Variants in DCC observed in about 807,000 individuals in gnomAD.
DCC encodes the protein DCC netrin 1 receptor.
A neutral mutation model predicts 172.5 loss-of-function variants in DCC; 58 were observed. The observed-to-expected ratio is 0.34, with a 90% CI of 0.27 to 0.42. The LOEUF (loss-of-function observed/expected upper bound fraction) is 0.42. Ranked by LOEUF, DCC falls within the 10% of genes least tolerant of loss-of-function variation. The pLI is 1.00. For synonymous variants in DCC, 709 were observed against 644.5 expected (o/e 1.10, Z -1.52); for missense variants, 1,740 against 1,791.0 (o/e 0.97, Z 0.51).
At chr18:52,671,082 A>G (rs1175142467) in intron 1 of DCC, among the ~76,000 whole-genome samples, 1 of 152,182 alleles carries the variant, frequency 6.6e-6, no homozygotes, top group Non-Finnish European at 1.5e-5. Flanking sequence ...GCTTATATTT[A>G]TCATTAACTT....
intron 25 of DCC, among the ~76,000 whole-genome samples, chr18:53,484,899 A>C: frequency 6.6e-6 from 1 of 152,108 alleles, no homozygotes; most frequent in Non-Finnish European, 1.5e-5. Context: ...CAACAATCCC[A>C]TTTATATGTG....
intron 1 of DCC, among the ~76,000 whole-genome samples, chr18:52,749,541 T>A (rs1333776432): frequency 6.6e-6 from 1 of 152,246 alleles, no homozygotes; most frequent in Non-Finnish European, 1.5e-5. Flanking sequence ...GAGGTGCCTA[T>A]ATCCCAAAGC....
At chr18:53,384,576 C>T (rs555269973) in intron 15 of DCC, among the ~76,000 whole-genome samples, 82 of 151,824 alleles carry the variant, frequency 5.4e-4, no homozygotes, top group African/African-American at 1.5e-3. Context: ...ATCTAGTTAC[C>T]GTTCATGTCT....
intron 15 of DCC, among the ~76,000 whole-genome samples, chr18:53,366,410 T>C (rs1340305855): frequency 6.6e-6 from 1 of 152,130 alleles, no homozygotes; most frequent in Non-Finnish European, 1.5e-5. Flanking sequence ...CATTTTTTCA[T>C]TCAGTGAATA....
At chr18:53,340,044 A>G (rs1454090955) in intron 15 of DCC, 137 bp downstream of exon 15, 10 of 654,312 alleles carry the variant, frequency 1.5e-5, no homozygotes, top group South Asian at 7.1e-5. Context: ...GCAACTGTCT[A>G]TCTACACACA....
chr18:53,324,402 A>G (rs188134303), intron 14 of DCC, among the ~76,000 whole-genome samples: 2 of 152,332 alleles, frequency 1.3e-5, no homozygotes, highest in African/African-American at 2.4e-5. Flanking sequence ...AATAAAGTCT[A>G]TACACCCAAG....
At chr18:53,463,106 T>C (rs568749757) in intron 24 of DCC, among the ~76,000 whole-genome samples, 1 of 152,346 alleles carries the variant, frequency 6.6e-6, no homozygotes, top group East Asian at 1.9e-4. Flanking sequence ...TCTAGCTTTG[T>C]TCTTGACTGG....
intron 7 of DCC, among the ~76,000 whole-genome samples, 179 bp from the exon 8 acceptor site, chr18:53,157,176 AG>A (rs1254896394): frequency 2.0e-5 from 3 of 152,334 alleles, no homozygotes; most frequent in African/African-American, 7.2e-5. Context: ...TTAAAACCCA[AG>A]AAATACAAAT....
intron 1 of DCC, among the ~76,000 whole-genome samples, chr18:52,400,971 A>T (rs905625101): frequency 6.6e-6 from 1 of 152,088 alleles, no homozygotes. Context: ...GAGGGATAGC[A>T]TTAGGAGAAA....
intron 2 of DCC, among the ~76,000 whole-genome samples, chr18:52,806,109 G>C (rs867492452): frequency 1.3e-4 from 20 of 152,284 alleles, no homozygotes; most frequent in African/African-American, 4.8e-4. Context: ...ATACCGGCTT[G>C]AATAAATCAG....
intron 2 of DCC, among the ~76,000 whole-genome samples, chr18:52,894,396 T>TACACAC (rs34974743): frequency 2.7e-5 from 4 of 148,812 alleles, no homozygotes; most frequent in African/African-American, 9.9e-5. Context: ...ACAGGACACA[T>TACACAC]ACACACACAC....
At chr18:52,490,891 A>T (rs1253941454) in intron 1 of DCC, among the ~76,000 whole-genome samples, 3 of 152,130 alleles carry the variant, frequency 2.0e-5, no homozygotes, top group African/African-American at 7.2e-5. Context: ...TAAAATAAGG[A>T]GTTGTGCTTT....
At chr18:52,369,593 T>C (rs1985028014) in intron 1 of DCC, among the ~76,000 whole-genome samples, 1 of 152,000 alleles carries the variant, frequency 6.6e-6, no homozygotes, top group South Asian at 2.1e-4. Flanking sequence ...GGCTTGGCCT[T>C]GAGACCTTTC....
intron 2 of DCC, among the ~76,000 whole-genome samples, chr18:52,759,344 T>A (rs1484745449): frequency 6.6e-6 from 1 of 152,182 alleles, no homozygotes; most frequent in Non-Finnish European, 1.5e-5. Context: ...TTCTACATTA[T>A]AAAATTTACA....
intron 13 of DCC, among the ~76,000 whole-genome samples, chr18:53,321,226 G>C (rs1002044060): frequency 5.9e-5 from 9 of 152,060 alleles, no homozygotes; most frequent in African/African-American, 2.2e-4. Flanking sequence ...ATCTTTATCA[G>C]CGTTGTTTAA....
intron 2 of DCC, among the ~76,000 whole-genome samples, chr18:52,827,641 G>GA (rs1414809956): frequency 6.6e-6 from 1 of 152,224 alleles, no homozygotes; most frequent in African/African-American, 2.4e-5. Flanking sequence ...GGGGGCCATA[G>GA]AAAATCTAAT....
intron 1 of DCC, among the ~76,000 whole-genome samples, chr18:52,645,370 A>T (rs1040707052): frequency 6.6e-6 from 1 of 152,140 alleles, no homozygotes; most frequent in Non-Finnish European, 1.5e-5. Flanking sequence ...CCACCTAACT[A>T]GCTGTTCTGC....
At chr18:52,500,739 T>C (rs1225326367) in intron 1 of DCC, among the ~76,000 whole-genome samples, 2 of 152,178 alleles carry the variant, frequency 1.3e-5, no homozygotes, top group Non-Finnish European at 2.9e-5. Context: ...GTCTCTCTCA[T>C]GAGTGTGAAA....
intron 5 of DCC, among the ~76,000 whole-genome samples, chr18:53,040,122 T>C (rs1193673837): frequency 2.0e-5 from 3 of 151,920 alleles, no homozygotes; most frequent in African/African-American, 7.2e-5. Context: ...AAGTCAAGTG[T>C]GAAAAATATA....
Sources: allele counts gnomAD v4.1 joint callset (sites outside exome capture counted in the v4.1 genomes callset), GRCh38; gene constraint gnomAD v4.1.1; transcripts MANE v1.5; gene names NCBI Gene and HGNC (gene_info 2026-07-23, HGNC 2026-07-21).